OR3A3: variants seen among roughly 807,000 people sequenced by gnomAD.
The protein encoded by OR3A3 is olfactory receptor family 3 subfamily A member 3.
For synonymous variants in OR3A3, 103 were observed against 163.9 expected, an observed-to-expected ratio of 0.63 and a Z score of 2.84; for missense variants, 275 against 391.4, an observed-to-expected ratio of 0.70 and a Z score of 2.51.
At chr17:3,415,830 T>G (rs2072388180) in intron 2 of OR3A3, among the ~76,000 whole-genome samples, 1 of 142,686 alleles carries the variant, frequency 7.0e-6, no homozygotes, top group Non-Finnish European at 1.5e-5. Context: ...ATTATTATTA[T>G]TATTATTATT....
At chr17:3,418,005 C>G (rs2072402490) in intron 2 of OR3A3, among the ~76,000 whole-genome samples, 2 of 152,142 alleles carry the variant, frequency 1.3e-5, no homozygotes, top group African/African-American at 4.8e-5. Context: ...GTTCTGTTAT[C>G]TCACATTTCA....
exon 2 of OR3A3, chr17:3,412,112 T>G (rs2072365692): frequency 6.6e-6 from 1 of 152,364 alleles, no homozygotes. Flanking sequence ...TAACGGGGTG[T>G]GTGCAGCTCC....
intron 2 of OR3A3, among the ~76,000 whole-genome samples, chr17:3,417,186 TTTTG>T (rs1471697078): frequency 4.6e-5 from 7 of 152,200 alleles, no homozygotes; most frequent in African/African-American, 7.2e-5. Flanking sequence ...GTATTCATTC[TTTTG>T]TTTGTCTATT....
At chr17:3,412,603 C>T (rs965242172) in intron 2 of OR3A3, among the ~76,000 whole-genome samples, 1 of 134,102 alleles carries the variant, frequency 7.5e-6, no homozygotes, top group Non-Finnish European at 1.7e-5. Flanking sequence ...CCTGTCAGAC[C>T]CTCTGGGTGT....
chr17:3,415,928 C>T (rs966092504), intron 2 of OR3A3, among the ~76,000 whole-genome samples: 3 of 151,268 alleles, frequency 2.0e-5, no homozygotes, highest in African/African-American at 7.3e-5. Flanking sequence ...CATGTTTCAG[C>T]CGCATACCAA....
chr17:3,413,222 GA>G (rs776778255), intron 2 of OR3A3, among the ~76,000 whole-genome samples: 6 of 152,200 alleles, frequency 3.9e-5, no homozygotes, highest in Non-Finnish European at 8.8e-5. Flanking sequence ...CAAAGACAGG[GA>G]AAGAGAGAAA....
intron 2 of OR3A3, among the ~76,000 whole-genome samples, chr17:3,414,166 G>A (rs1263974908): frequency 3.3e-5 from 5 of 152,124 alleles, no homozygotes; most frequent in Non-Finnish European, 7.3e-5. Flanking sequence ...CCACCTCCCG[G>A]GTTCAAGCGA....
intron 1 of OR3A3, among the ~76,000 whole-genome samples, 182 bp downstream of exon 1, chr17:3,411,666 C>T (rs2072362931): frequency 6.6e-6 from 1 of 152,212 alleles, no homozygotes; most frequent in African/African-American, 2.4e-5. Flanking sequence ...CAGAGCGAGA[C>T]TCCGTCTCAA....
At chr17:3,419,734 T>C (rs1279102927) in intron 2 of OR3A3, among the ~76,000 whole-genome samples, 1 of 125,830 alleles carries the variant, frequency 7.9e-6, no homozygotes, top group Admixed American at 7.4e-5. Context: ...TCTATCTTTT[T>C]TTTTTTTTTT....
rs1240664613 is a variant in OR3A3 at position 3,421,220 on chromosome 17, C to A, written c.635C>A (p.Ala212Glu). 1.9e-5 allele frequency: 30 copies of A among 1,614,092 alleles called. No individual in the cohort carries two copies. Among genetic ancestry groups the A allele is most frequent in the Non-Finnish European group, 2.5e-5 (30 of 1,180,048 alleles). ...GTAGCAGCAGCCTTCATGGCTGTGG[C>A]ACCCTTGGTCTTCATCAGTGTGTCC... Residue 212 changes from alanine (A) to glutamate (E), a missense_variant, in exon 3 of 3, where the codon GCA becomes GAA. Physicochemically the swap from Ala to Glu is moderately radical, Grantham distance 107 (BLOSUM62 -1). Transcript: ENST00000641141.
intron 2 of OR3A3, among the ~76,000 whole-genome samples, chr17:3,413,105 A>G (rs944756607): frequency 2.6e-5 from 4 of 152,264 alleles, no homozygotes; most frequent in Non-Finnish European, 5.9e-5. Context: ...ACAGAGATGT[A>G]AGAAAGATAT....
intron 2 of OR3A3, among the ~76,000 whole-genome samples, chr17:3,416,238 A>G (rs2072390645): frequency 1.3e-5 from 2 of 152,218 alleles, no homozygotes; most frequent in African/African-American, 4.8e-5. Flanking sequence ...AAAGGATCAC[A>G]TAATCTCCCT....
chr17:3,412,215 G>T (rs1333175123), intron 2 of OR3A3, 44 bp downstream of exon 2: 2 of 150,848 alleles, frequency 1.3e-5, no homozygotes, highest in Admixed American at 6.6e-5. Flanking sequence ...ACAGAATAGA[G>T]AAGGGGCTTC....
At chr17:3,415,680 GA>G (rs2072386715) in intron 2 of OR3A3, among the ~76,000 whole-genome samples, 1 of 150,266 alleles carries the variant, frequency 6.7e-6, no homozygotes, top group Non-Finnish European at 1.5e-5. Context: ...AATTGATAAT[GA>G]ATTTACTTGT....
At position 3,420,018 on chromosome 17, in the gene OR3A3, T is replaced by A. The variant is rs112839855; in HGVS notation, c.-6-562T>A. Among the ~76,000 whole-genome samples the A allele has an allele frequency of 7.7e-3, 1,179 of 152,226 alleles. 5 individuals are homozygous for A. The highest frequency in any genetic ancestry group is 0.012 in the Non-Finnish European group (785 of 68,002). ...TCCTGACCTCGTGATCCGCCTGCCT[T>A]GGCCTCCCAAAGTGCTGGGATTACA... On this transcript the variant is annotated intron_variant, in intron 2 of 2. Transcript: ENST00000641141.
intron 2 of OR3A3, among the ~76,000 whole-genome samples, chr17:3,417,347 A>C (rs563043546): frequency 7.8e-4 from 119 of 152,258 alleles, no homozygotes; most frequent in African/African-American, 2.7e-3. Flanking sequence ...ATTGTAAGAC[A>C]ACTAAGGAAG....
At chr17:3,415,585 A>G (rs1231728738) in intron 2 of OR3A3, among the ~76,000 whole-genome samples, 42 of 150,364 alleles carry the variant, frequency 2.8e-4, no homozygotes, top group Admixed American at 2.4e-3. Flanking sequence ...AGAAAAGAAA[A>G]ACCAACAACT....
At chr17:3,423,374 GCCT>G (rs2150683326) in exon 3 of OR3A3, 1 of 152,404 alleles carries the variant, frequency 6.6e-6, no homozygotes, top group African/African-American at 2.4e-5. Flanking sequence ...CCCTGGCACT[GCCT>G]CCTGTGTGGC....
chr17:3,419,729 CTTTTT>C (rs564569456), intron 2 of OR3A3, among the ~76,000 whole-genome samples: 7 of 98,904 alleles, frequency 7.1e-5, no homozygotes, highest in African/African-American at 2.0e-4. Flanking sequence ...AAAATTCTAT[CTTTTT>C]TTTTTTTTTT....
Sources: gnomAD v4.1 joint callset for allele counts (sites outside exome capture counted in the v4.1 genomes callset) on GRCh38, gnomAD v4.1.1 for gene constraint, MANE v1.5 for transcripts, NCBI Gene and HGNC (gene_info 2026-07-23, HGNC 2026-07-21) for gene names.